PADI3: variants seen among roughly 807,000 people sequenced by gnomAD.
PADI3 encodes the protein peptidyl arginine deiminase 3.
Under a neutral mutation model 71.5 loss-of-function variants are expected in PADI3, and 53 were observed. The observed-to-expected ratio is 0.74, with a 90% CI of 0.59 to 0.93. PADI3 has a LOEUF of 0.93. PADI3 is among the 40% of genes least tolerant of loss of function. PADI3 has a pLI of 0.00. For missense variants in PADI3, 821 were observed against 868.0 expected (o/e 0.95, Z 0.68); for synonymous variants, 361 against 347.5 (o/e 1.04, Z -0.43).
intron 15 of PADI3, among the ~76,000 whole-genome samples, chr1:17,281,321 G>T (rs2073397396): frequency 6.6e-6 from 1 of 152,234 alleles, no homozygotes; most frequent in Non-Finnish European, 1.5e-5. Context: ...GCAGTTTGGA[G>T]GTGAGACAAA....
At chr1:17,264,693 G>C (rs2073143330) in intron 3 of PADI3, among the ~76,000 whole-genome samples, 1 of 152,132 alleles carries the variant, frequency 6.6e-6, no homozygotes. Context: ...TTGCATGGTG[G>C]TTGAGTATCT....
intron 5 of PADI3, 146 bp from the exon 6 acceptor site, chr1:17,267,691 T>C (rs1569897540): frequency 3.6e-6 from 3 of 837,112 alleles, no homozygotes; most frequent in East Asian, 2.5e-5. Context: ...TGGTTTGTTC[T>C]TGATGGCTTC....
At chr1:17,268,122 G>A (rs2073196704) in intron 6 of PADI3, among the ~76,000 whole-genome samples, 160 bp downstream of exon 6, 1 of 152,244 alleles carries the variant, frequency 6.6e-6, no homozygotes. Context: ...AGAAGTGGGG[G>A]CTTTGGAACT....
At chr1:17,273,311 G>A (rs1310720672) in intron 9 of PADI3, 29 bp from the exon 10 acceptor site, 2 of 1,564,314 alleles carry the variant, frequency 1.3e-6, no homozygotes, top group South Asian at 1.1e-5. Context: ...TGTCACAGCT[G>A]TGCGTCTCTC....
chr1:17,265,454 C>T (rs2073155376), intron 3 of PADI3, among the ~76,000 whole-genome samples: 1 of 152,160 alleles, frequency 6.6e-6, no homozygotes. Context: ...GAGGGGGCAG[C>T]ATTTGTCCTG....
Position 17,259,141 on chromosome 1 carries a change from C to T in PADI3, c.93-437C>T, listed in dbSNP as rs182426497. Among the ~76,000 whole-genome samples, 676 of 152,338 alleles carry T rather than the reference C, an allele frequency of 4.4e-3. 6 individuals are homozygous for T. Among genetic ancestry groups the T allele is most frequent in the Middle Eastern group, 6.8e-3 (2 of 294 alleles). On this transcript the variant is annotated intron_variant, in intron 1 of 15. Coordinates refer to ENST00000375460, the MANE Select transcript of PADI3 (RefSeq NM_016233.2). ...CTGGAGTGCAGTGGTGCAATCTTGG[C>T]TCACTGCAACCTCTGCCTCCTGGGT...
intron 11 of PADI3, among the ~76,000 whole-genome samples, chr1:17,275,957 G>T (rs1381117492): frequency 1.3e-5 from 2 of 152,134 alleles, no homozygotes; most frequent in African/African-American, 4.8e-5. Flanking sequence ...CCTGGATGGT[G>T]GGACCTGGTA....
chr1:17,276,555 C>A lies in PADI3; in HGVS notation c.1344C>A (p.Asp448Glu), dbSNP rs1424779043. 3 of 1,614,202 alleles carry A rather than the reference C, an allele frequency of 1.9e-6. No individual in the cohort carries two copies. Among genetic ancestry groups the A allele is most frequent in the East Asian group, 2.2e-5 (1 of 44,872 alleles). Reference protein sequence around the residue: ...SGRRVTQVVRDFLHAQKVQPP... With the variant: ...SGRRVTQVVREFLHAQKVQPP... ...GCAGGGTCACCCAGGTGGTGCGGGACTTCCTCCATGCCCAGAAGGTGCAGC... is the reference window on the plus strand; with the variant it reads ...GCAGGGTCACCCAGGTGGTGCGGGAATTCCTCCATGCCCAGAAGGTGCAGC... Residue 448 changes from aspartate to glutamate, a missense_variant, in exon 12 of 16, where the codon GAC becomes GAA. Coordinates refer to ENST00000375460, the MANE Select transcript of PADI3 (RefSeq NM_016233.2).
intron 2 of PADI3, among the ~76,000 whole-genome samples, 166 bp from the exon 3 acceptor site, chr1:17,261,967 C>T (rs966238468): frequency 3.3e-5 from 5 of 152,240 alleles, no homozygotes; most frequent in African/African-American, 1.2e-4. Flanking sequence ...TCCCATTTTA[C>T]AGATATGCCA....
intron 1 of PADI3, among the ~76,000 whole-genome samples, chr1:17,252,812 A>T (rs984508706): frequency 9.9e-5 from 15 of 152,206 alleles, no homozygotes; most frequent in African/African-American, 2.9e-4. Context: ...GACTGGACCC[A>T]TTCCCACTGG....
chr1:17,266,939 G>A lies in PADI3; in HGVS notation c.526+103G>A, dbSNP rs2073177244. 7 of 878,422 alleles carry A rather than the reference G, an allele frequency of 8.0e-6. No homozygotes were observed. The South Asian group carries it at 1.0e-4, about 13-fold the overall frequency. The allele number at this position is 878,422 out of a possible 1,614,324, so 54.4% of individuals were successfully genotyped here. The stretch of plus-strand genomic sequence containing the variant: ...CGAGACTCTGAGGCCAGAGTCCAGG[G>A]GAGAGCGCCAGCCTCCAGACACACC... On this transcript the variant is annotated intron_variant, in intron 5 of 15. Coordinates refer to ENST00000375460, the MANE Select transcript of PADI3 (RefSeq NM_016233.2).
intron 1 of PADI3, among the ~76,000 whole-genome samples, chr1:17,256,033 T>G (rs1336698432): frequency 6.6e-6 from 1 of 152,180 alleles, no homozygotes; most frequent in South Asian, 2.1e-4. Context: ...CATTATAGCC[T>G]GAGTCTAAAC....
chr1:17,266,908 C>T, intron 5 of PADI3, 72 bp downstream of exon 5: 1 of 1,162,864 alleles, frequency 8.6e-7, no homozygotes, highest in Non-Finnish European at 1.3e-6. Context: ...AGTTCCAACC[C>T]ACAGGCGAGA....
Position 17,270,219 on chromosome 1 carries a change from C to A in PADI3, c.653-14C>A. ...CCACAGGGAGTCACAGCCACCCCGT[C>A]CCTCCCCTTCCAGGTCCTGAGGATG... On this transcript the variant is annotated splice_polypyrimidine_tract_variant and intron_variant, in intron 6 of 15. Transcript: ENST00000375460. The A allele has an allele frequency of 6.2e-7, 1 of 1,603,724 alleles. No individual in the cohort carries two copies. The highest frequency in any genetic ancestry group is 8.5e-7 in the Non-Finnish European group (1 of 1,174,006).
At chr1:17,253,508 A>G (rs75958532) in intron 1 of PADI3, among the ~76,000 whole-genome samples, 2 of 152,078 alleles carry the variant, frequency 1.3e-5, no homozygotes, top group Non-Finnish European at 2.9e-5. Context: ...CTCCTAAGAG[A>G]CCACACCTGG....
intron 1 of PADI3, among the ~76,000 whole-genome samples, chr1:17,249,604 C>A (rs1269225833): frequency 2.6e-5 from 4 of 152,208 alleles, no homozygotes; most frequent in African/African-American, 9.7e-5. Context: ...CAGCCCCATC[C>A]TGAGCCTATG....
At chr1:17,279,174 C>T (rs990582514) in intron 13 of PADI3, among the ~76,000 whole-genome samples, 1 of 152,132 alleles carries the variant, frequency 6.6e-6, no homozygotes, top group African/African-American at 2.4e-5. Flanking sequence ...TGGCAGGCCA[C>T]AAGCAGCCAC....
Position 17,249,244 on chromosome 1 carries a change from C to T in PADI3, c.92+15C>T. The T allele has an allele frequency of 6.2e-7, 1 of 1,603,844 alleles. No individual in the cohort carries two copies. The highest frequency in any genetic ancestry group is 8.5e-7 in the Non-Finnish European group (1 of 1,170,636). On this transcript the variant is annotated intron_variant, in intron 1 of 15. Transcript: ENST00000375460. ...GACATTTATGGGTAAGAGTCAGAGGCCTAGTGGTTTGCAGGCCCTTGGTGC... is the reference window on the plus strand; with the variant it reads ...GACATTTATGGGTAAGAGTCAGAGGTCTAGTGGTTTGCAGGCCCTTGGTGC...
At chr1:17,251,687 C>G (rs757819206) in intron 1 of PADI3, among the ~76,000 whole-genome samples, 3 of 152,220 alleles carry the variant, frequency 2.0e-5, no homozygotes, top group Admixed American at 6.5e-5. Context: ...GGCCTTACTT[C>G]AAAGGGCAGT....
Sources: gnomAD v4.1 joint callset for allele counts (sites outside exome capture counted in the v4.1 genomes callset) on GRCh38, gnomAD v4.1.1 for gene constraint, MANE v1.5 for transcripts, NCBI Gene and HGNC (gene_info 2026-07-23, HGNC 2026-07-21) for gene names.